The following SPOCK3 variants were observed in gnomAD, a reference collection of about 807,000 sequenced individuals.
The protein encoded by SPOCK3 is SPARC (osteonectin), cwcv and kazal like domains proteoglycan 3, also known as testican-3.
A neutral mutation model predicts 56.6 loss-of-function variants in SPOCK3; 30 were observed. The observed-to-expected ratio is 0.53, with a 90% CI of 0.40 to 0.72. The LOEUF is 0.72. Among genes scored for constraint, SPOCK3 ranks in the 30% least tolerant of loss-of-function variants. The pLI is 0.00. For synonymous variants in SPOCK3, 196 were observed against 183.3 expected (o/e 1.07, Z -0.56); for missense variants, 527 against 530.0 (o/e 0.99, Z 0.06).
intron 7 of SPOCK3, among the ~76,000 whole-genome samples, chr4:166,785,634 T>A (rs1183202691): frequency 6.7e-6 from 1 of 148,710 alleles, no homozygotes; most frequent in African/African-American, 2.4e-5. Context: ...TATGTGAAGC[T>A]AGAAAATCCC....
intron 6 of SPOCK3, among the ~76,000 whole-genome samples, chr4:166,873,981 T>C (rs1342912454): frequency 1.3e-5 from 2 of 152,178 alleles, no homozygotes; most frequent in Non-Finnish European, 1.5e-5. Context: ...CGTGTGTACA[T>C]GCACCTTGTA....
chr4:166,741,363 G>C (rs1224849335), intron 9 of SPOCK3, among the ~76,000 whole-genome samples: 1 of 152,096 alleles, frequency 6.6e-6, no homozygotes, highest in Non-Finnish European at 1.5e-5. Context: ...ATGTACCTTT[G>C]TCACTGTTTT....
At chr4:167,047,860 C>A (rs751281113) in intron 3 of SPOCK3, among the ~76,000 whole-genome samples, 12 of 152,002 alleles carry the variant, frequency 7.9e-5, no homozygotes, top group Non-Finnish European at 1.5e-4. Flanking sequence ...CCAGCCTGGC[C>A]AACATGGCAA....
intron 3 of SPOCK3, among the ~76,000 whole-genome samples, chr4:167,042,476 A>G (rs1753317467): frequency 1.3e-5 from 2 of 152,178 alleles, no homozygotes; most frequent in South Asian, 2.1e-4. Flanking sequence ...AGATCCAGGC[A>G]TGGAGCTAAT....
In SPOCK3 at chr4:167,189,218, TATA is replaced by T. The variant is rs1732266908; in HGVS notation, c.189+44764_189+44766del. Among the ~76,000 whole-genome samples the T allele has an allele frequency of 2.1e-5, 3 of 145,768 alleles. 1 individual carries two copies. In the Admixed American group the frequency reaches 2.1e-4, roughly 10 times the overall value. On this transcript the variant is annotated intron_variant, in intron 2 of 10. Coordinates refer to ENST00000357545, the MANE Select transcript of SPOCK3 (RefSeq NM_001040159.2). ...TGTTAGCAAATAACACCCAACAATATATAATAAGAAAAGTACACTAGACAAAGT... is the reference window on the plus strand; with the variant it reads ...TGTTAGCAAATAACACCCAACAATATATAAGAAAAGTACACTAGACAAAGT...
At chr4:167,026,644 G>C (rs1751719508) in intron 3 of SPOCK3, among the ~76,000 whole-genome samples, 1 of 151,718 alleles carries the variant, frequency 6.6e-6, no homozygotes, top group African/African-American at 2.4e-5. Context: ...AAATAATAAA[G>C]AACTAAAACA....
chr4:167,069,127 T>G (rs745669732), intron 2 of SPOCK3, among the ~76,000 whole-genome samples: 1 of 151,878 alleles, frequency 6.6e-6, no homozygotes, highest in Non-Finnish European at 1.5e-5. Context: ...TACTTACTCA[T>G]AACAAAAGAT....
intron 2 of SPOCK3, among the ~76,000 whole-genome samples, chr4:167,184,443 A>G (rs1049527547): frequency 2.0e-5 from 3 of 152,174 alleles, no homozygotes; most frequent in Non-Finnish European, 4.4e-5. Flanking sequence ...TGCAAGATTT[A>G]GTAGGAGATA....
chr4:166,744,363 A>G (rs1212649494), intron 8 of SPOCK3, among the ~76,000 whole-genome samples: 3 of 152,174 alleles, frequency 2.0e-5, no homozygotes, highest in Non-Finnish European at 4.4e-5. Flanking sequence ...GGACCTCCAG[A>G]AAACTCCAAC....
intron 10 of SPOCK3, 113 bp downstream of exon 10, chr4:166,737,354 T>C: frequency 8.7e-7 from 1 of 1,153,560 alleles, no homozygotes; most frequent in Non-Finnish European, 1.2e-6. Context: ...CTAGATATTC[T>C]ACAGTCTTTG....
chr4:167,155,302 G>A (rs546369963), intron 2 of SPOCK3, among the ~76,000 whole-genome samples: 17 of 151,674 alleles, frequency 1.1e-4, no homozygotes, highest in Non-Finnish European at 2.4e-4. Flanking sequence ...ATTTTTGTTA[G>A]AGATGGGGTT....
intron 4 of SPOCK3, among the ~76,000 whole-genome samples, chr4:166,940,090 C>G (rs762101348): frequency 1.3e-5 from 2 of 152,030 alleles, no homozygotes; most frequent in Non-Finnish European, 2.9e-5. Flanking sequence ...ATGCAATGAC[C>G]AAGTGTATAA....
intron 6 of SPOCK3, among the ~76,000 whole-genome samples, chr4:166,816,188 C>T (rs1744357884): frequency 6.6e-6 from 1 of 151,958 alleles, no homozygotes; most frequent in Non-Finnish European, 1.5e-5. Flanking sequence ...CATTTAATGT[C>T]ATTTTTATAT....
At chr4:166,900,808 T>A (rs1735967107) in intron 5 of SPOCK3, among the ~76,000 whole-genome samples, 2 of 152,106 alleles carry the variant, frequency 1.3e-5, no homozygotes, top group South Asian at 2.1e-4. Flanking sequence ...GAAAGAAAAA[T>A]TTTAGTGATC....
chr4:166,931,813 G>A (rs895872250), intron 4 of SPOCK3, among the ~76,000 whole-genome samples: 13 of 152,216 alleles, frequency 8.5e-5, no homozygotes, highest in South Asian at 4.2e-4. Context: ...GAGAAGGAGC[G>A]GCCAGTATCA....
intron 2 of SPOCK3, among the ~76,000 whole-genome samples, chr4:167,193,551 C>T (rs1439844126): frequency 1.4e-5 from 2 of 145,858 alleles, no homozygotes; most frequent in Non-Finnish European, 3.0e-5. Flanking sequence ...GTGATTTATG[C>T]AGCACCATTT....
At chr4:166,977,509 C>A (rs537981067) in intron 4 of SPOCK3, among the ~76,000 whole-genome samples, 1 of 152,040 alleles carries the variant, frequency 6.6e-6, no homozygotes, top group South Asian at 2.1e-4. Context: ...CTTTTCCTTG[C>A]CAATTTTTAA....
chr4:167,198,120 C>T (rs376202618), intron 2 of SPOCK3, among the ~76,000 whole-genome samples: 35 of 152,212 alleles, frequency 2.3e-4, no homozygotes, highest in African/African-American at 7.7e-4. Flanking sequence ...ATATTTTTAG[C>T]CAACCATAGT....
chr4:167,067,146 TAA>T (rs1756233008), intron 2 of SPOCK3, among the ~76,000 whole-genome samples: 1 of 151,712 alleles, frequency 6.6e-6, no homozygotes, highest in Non-Finnish European at 1.5e-5. Flanking sequence ...ATAAAAAGAG[TAA>T]TACTCAGGCA....
Sources: allele counts gnomAD v4.1 joint callset (sites outside exome capture counted in the v4.1 genomes callset), GRCh38; gene constraint gnomAD v4.1.1; transcripts MANE v1.5; gene names NCBI Gene and HGNC (gene_info 2026-07-23, HGNC 2026-07-21).